The following ADGRL2 variants were observed in gnomAD, a reference collection of about 807,000 sequenced individuals.
The protein encoded by ADGRL2 is adhesion G protein-coupled receptor L2.
In ADGRL2, 44 loss-of-function variants were observed where a neutral mutation model predicts 157.4. The observed-to-expected ratio is 0.28, with a 90% CI of 0.22 to 0.36. The LOEUF is 0.36. Among genes scored for constraint, ADGRL2 ranks in the 10% least tolerant of loss-of-function variants. The pLI is 1.00. For missense variants in ADGRL2, 1,510 were observed against 1,768.9 expected (o/e 0.85, Z 2.63); for synonymous variants, 585 against 624.7 (o/e 0.94, Z 0.95).
rs35795177 is a variant in ADGRL2 at position 81,552,605 on chromosome 1, G to GA, written c.-247-28252dup. 6.9e-3 allele frequency among the ~76,000 whole-genome samples: 718 copies of GA among 103,972 alleles called. 10 individuals carry two copies. Among genetic ancestry groups the GA allele is most frequent in the African/African-American group, 0.018 (466 of 26,224 alleles). 68.2% of individuals were successfully genotyped at this position (103,972 alleles called of 152,430 possible). A position where few individuals can be genotyped will look rare whatever the true frequency, so the allele number is the denominator to read the frequency against. Reference sequence around the variant, plus strand: ...CGTAGAGTATATGAAACTTTACTTAGAAAAAAAAAAAAAAAAAAACAGAAA... The same window carrying GA: ...CGTAGAGTATATGAAACTTTACTTAGAAAAAAAAAAAAAAAAAAAACAGAAA... On this transcript the variant is annotated intron_variant, in intron 2 of 24. Transcript: ENST00000370721.
chr1:81,557,034 A>AG (rs1034358968), intron 2 of ADGRL2: 8 of 176,780 alleles, frequency 4.5e-5, no homozygotes, highest in African/African-American at 2.0e-4. Flanking sequence ...AAAAAAAAAA[A>AG]AGAAAGAAAG....
At chr1:81,937,316 G>A (rs1432898551) in intron 4 of ADGRL2, among the ~76,000 whole-genome samples, 2 of 151,740 alleles carry the variant, frequency 1.3e-5, no homozygotes, top group Admixed American at 6.6e-5. Context: ...CTTTAAGGGA[G>A]CATTTCTTTA....
chr1:81,394,615 T>C (rs960434041), intron 1 of ADGRL2, among the ~76,000 whole-genome samples: 2 of 152,222 alleles, frequency 1.3e-5, no homozygotes, highest in African/African-American at 2.4e-5. Context: ...TTATCTGCCA[T>C]TGGGCACTTT....
chr1:81,716,865 C>T (rs2084134988), intron 1 of ADGRL2, among the ~76,000 whole-genome samples: 1 of 152,112 alleles, frequency 6.6e-6, no homozygotes, highest in African/African-American at 2.4e-5. Context: ...GACATGGGCT[C>T]AAATGCAACT....
At chr1:81,479,542 C>T (rs1398477051) in intron 2 of ADGRL2, among the ~76,000 whole-genome samples, 1 of 152,004 alleles carries the variant, frequency 6.6e-6, no homozygotes, top group Non-Finnish European at 1.5e-5. Flanking sequence ...GCATCAGATA[C>T]CCACATTTTG....
Position 81,990,612 on chromosome 1 carries a change from C to CTCA in ADGRL2, c.3878_3880dup (p.Leu1293_Thr1294insIle), listed in dbSNP as rs760000084. ...CAGCAGCAAGACTCACAACCTCGAGCTCACGCTACCAGTCAAACCTGTGAT... is the reference window on the plus strand; with the variant it reads ...CAGCAGCAAGACTCACAACCTCGAGCTCATCACGCTACCAGTCAAACCTGTGAT... On this transcript the variant is annotated inframe_insertion, in exon 24 of 24. Transcript: ENST00000686636. 3.0e-5 allele frequency: 49 copies of CTCA among 1,614,182 alleles called. No homozygotes were observed. Among genetic ancestry groups the CTCA allele is most frequent in the Non-Finnish European group, 4.2e-5 (49 of 1,180,034 alleles).
intron 2 of ADGRL2, among the ~76,000 whole-genome samples, chr1:81,554,284 A>G (rs145483615): frequency 1.2e-4 from 18 of 152,302 alleles, no homozygotes; most frequent in African/African-American, 3.8e-4. Context: ...AAAACCAAAT[A>G]TTGGCAGAGT....
Position 81,943,562 on chromosome 1 carries a change from A to G in ADGRL2, c.1003A>G (p.Asn335Asp), listed in dbSNP as rs1648783165. The change falls in exon 6 of 24, where the codon AAT (asparagine) becomes GAT (aspartate). Residue 335 changes from asparagine (N) to aspartate (D), a missense_variant. Around this residue, in one of 4 missense-constraint regions of ADGRL2, gnomAD observed 361 missense variants for 498.4 expected, o/e 0.72. Transcript: ENST00000686636. This position sits in a 1 kb window ranked among gnomAD's most constrained non-coding sequence, Gnocchi z 5.6. The stretch of plus-strand genomic sequence containing the variant: ...TGTGGTTAGGTCAGTTTATCAAGAC[A>G]ATGAAAGTGAAACAGGCAAGAACTC... Reference protein sequence around the residue: ...LYVVRSVYQDNESETGKNSID... With the variant: ...LYVVRSVYQDDESETGKNSID... The G allele has an allele frequency of 1.2e-6, 2 of 1,613,804 alleles. No homozygotes were observed. The highest frequency in any genetic ancestry group is 1.1e-5 in the South Asian group (1 of 91,086).
intron 1 of ADGRL2, among the ~76,000 whole-genome samples, chr1:81,334,277 C>A (rs1282648558): frequency 6.6e-6 from 1 of 152,182 alleles, no homozygotes; most frequent in Non-Finnish European, 1.5e-5. Flanking sequence ...ATACTTACAT[C>A]TTGGCCATCA....
intron 3 of ADGRL2, among the ~76,000 whole-genome samples, chr1:81,917,488 G>A (rs2094883511): frequency 6.6e-6 from 1 of 151,734 alleles, no homozygotes; most frequent in Admixed American, 6.6e-5. Context: ...CATCTCTTGT[G>A]GATGTTAGAA....
chr1:81,675,970 T>C (rs2082979591), intron 3 of ADGRL2, among the ~76,000 whole-genome samples: 1 of 152,208 alleles, frequency 6.6e-6, no homozygotes, highest in Admixed American at 6.5e-5. Context: ...TTTGTTTTGA[T>C]TCAAAAACCC....
Position 81,808,394 on chromosome 1 carries a change from G to A in ADGRL2, c.-101+7326G>A, listed in dbSNP as rs561719264. 2.3e-3 allele frequency among the ~76,000 whole-genome samples: 343 copies of A among 152,026 alleles called. 2 individuals are homozygous for A. Among genetic ancestry groups the A allele is most frequent in the Admixed American group, 4.6e-3 (70 of 15,266 alleles). ...ATGTTCACAGTGTAAGGATATTGGCGCCAGTTTTGATATGCATACATTTGT... is the reference window on the plus strand; with the variant it reads ...ATGTTCACAGTGTAAGGATATTGGCACCAGTTTTGATATGCATACATTTGT... On this transcript the variant is annotated intron_variant, in intron 1 of 23. Coordinates refer to ENST00000686636, the MANE Select transcript of ADGRL2 (RefSeq NM_001366006.2).
chr1:81,663,916 G>C (rs551532369), intron 3 of ADGRL2, among the ~76,000 whole-genome samples: 3 of 152,232 alleles, frequency 2.0e-5, no homozygotes, highest in Non-Finnish European at 4.4e-5. Context: ...AGGCTGTTTA[G>C]TATGGTTTAT....
chr1:81,631,075 T>C (rs2082002182), intron 3 of ADGRL2, among the ~76,000 whole-genome samples: 1 of 152,222 alleles, frequency 6.6e-6, no homozygotes, highest in South Asian at 2.1e-4. Context: ...TATTGTTTTT[T>C]TCAAGAGTGC....
chr1:81,895,899 A>G (rs1440039390), intron 2 of ADGRL2, among the ~76,000 whole-genome samples: 1 of 152,136 alleles, frequency 6.6e-6, no homozygotes, highest in Non-Finnish European at 1.5e-5. Context: ...ATCAGTGACA[A>G]AAAAGGAGTG....
chr1:81,422,525 G>A (rs775227360), intron 1 of ADGRL2, among the ~76,000 whole-genome samples: 1 of 152,250 alleles, frequency 6.6e-6, no homozygotes, highest in Non-Finnish European at 1.5e-5. Context: ...GATCACAGGC[G>A]TGGGCCACCA....
intron 2 of ADGRL2, among the ~76,000 whole-genome samples, chr1:81,775,446 A>G (rs764351053): frequency 6.6e-6 from 1 of 152,240 alleles, no homozygotes; most frequent in Non-Finnish European, 1.5e-5. Flanking sequence ...GTTGCTGAAT[A>G]TATCTGCCAA....
intron 1 of ADGRL2, among the ~76,000 whole-genome samples, chr1:81,825,626 T>TGA (rs1295174475): frequency 9.0e-5 from 12 of 132,696 alleles, no homozygotes; most frequent in African/African-American, 3.4e-4. Flanking sequence ...ATTACAGGCA[T>TGA]GAGTCACCGC....
intron 1 of ADGRL2, among the ~76,000 whole-genome samples, chr1:81,388,721 T>C (rs2076482399): frequency 6.6e-6 from 1 of 152,178 alleles, no homozygotes; most frequent in Non-Finnish European, 1.5e-5. Flanking sequence ...TACCTTGATC[T>C]TGAACTTCCC....
Sources: allele counts gnomAD v4.1 joint callset (sites outside exome capture counted in the v4.1 genomes callset), GRCh38; gene constraint gnomAD v4.1.1; regional missense constraint gnomAD v4.1.1; non-coding constraint Gnocchi (gnomAD v3.1); transcripts MANE v1.5; gene names NCBI Gene and HGNC (gene_info 2026-07-23, HGNC 2026-07-21).